CRIPT: variants seen among roughly 807,000 people sequenced by gnomAD.
The protein encoded by CRIPT is cysteine-rich PDZ-binding protein.
Under a neutral mutation model 16.6 loss-of-function variants are expected in CRIPT, and 20 were observed. The observed-to-expected ratio is 1.20, with a 90% CI of 0.85 to 1.75. CRIPT has a LOEUF of 1.75. CRIPT is among the 40% of genes most tolerant of loss of function. CRIPT has a pLI of 0.00. For synonymous variants in CRIPT, 42 were observed against 37.0 expected, an observed-to-expected ratio of 1.14 and a Z score of -0.49; for missense variants, 133 against 115.3, an observed-to-expected ratio of 1.15 and a Z score of -0.70.
At position 46,629,674 on chromosome 2, in the gene CRIPT, G is replaced by A. The variant is rs1201198365; in HGVS notation, c.*5447G>A. ...TGAAATGCTGTAAGTGATATGTATTGCAGGTATACATCCAGATGCACAGAA... is the reference window on the plus strand; with the variant it reads ...TGAAATGCTGTAAGTGATATGTATTACAGGTATACATCCAGATGCACAGAA... On this transcript the variant is annotated 3_prime_UTR_variant, in exon 5 of 5. Coordinates refer to ENST00000238892, the MANE Select transcript of CRIPT (RefSeq NM_014171.6). Among the ~76,000 whole-genome samples the A allele has an allele frequency of 6.6e-6, 1 of 152,190 alleles. No individual in the cohort carries two copies. The highest frequency in any genetic ancestry group is 1.5e-5 in the Non-Finnish European group (1 of 68,038).
Position 46,624,328 on chromosome 2 carries a change from T to C in CRIPT, c.*101T>C. ...TACAGAATAACATGTTTTAAGATAA[T>C]TAAGTTTAAACCAGAGAATTTGATT... On this transcript the variant is annotated 3_prime_UTR_variant, in exon 5 of 5. Transcript: ENST00000238892. 1.4e-6 allele frequency: 1 copy of C among 716,636 alleles called. No homozygotes were observed. Among genetic ancestry groups the C allele is most frequent in the Non-Finnish European group, 2.1e-6 (1 of 471,392 alleles). The allele number at this position is 716,636 out of a possible 1,614,324, so 44.4% of individuals were successfully genotyped here. A position where few individuals can be genotyped will look rare whatever the true frequency, so the allele number is the denominator to read the frequency against.
chr2:46,622,979 AAATCAGAG>A (rs1302047707), intron 3 of CRIPT, among the ~76,000 whole-genome samples: 1 of 152,056 alleles, frequency 6.6e-6, no homozygotes, highest in East Asian at 1.9e-4. Context: ...AAGCACATTT[AAATCAGAG>A]TATTATTGCC....
chr2:46,618,988 A>G (rs917778288), intron 2 of CRIPT, 150 bp downstream of exon 2: 5 of 522,996 alleles, frequency 9.6e-6, no homozygotes, highest in African/African-American at 4.0e-5. Flanking sequence ...AAGTGATTTA[A>G]TATCTTCTAT....
chr2:46,621,246 A>G (rs139531851), intron 3 of CRIPT, among the ~76,000 whole-genome samples: 5 of 152,276 alleles, frequency 3.3e-5, no homozygotes, highest in African/African-American at 1.2e-4. Flanking sequence ...CCTCCTTAAT[A>G]TGACCCCTCC....
intron 3 of CRIPT, among the ~76,000 whole-genome samples, chr2:46,623,511 C>T (rs1029143933): frequency 6.6e-6 from 1 of 152,144 alleles, no homozygotes; most frequent in African/African-American, 2.4e-5. Context: ...ACAGATACGA[C>T]TGATATGAAC....
In CRIPT at chr2:46,629,528, C is replaced by G. The variant is rs115761971; in HGVS notation, c.*5301C>G. Reference sequence around the variant, plus strand: ...AATCTGGAGCAGTTCCTCAGCTTTTCTTTGTTTTTTATAATAGTAATATAT... The same window carrying G: ...AATCTGGAGCAGTTCCTCAGCTTTTGTTTGTTTTTTATAATAGTAATATAT... On this transcript the variant is annotated 3_prime_UTR_variant, in exon 5 of 5. Transcript: ENST00000238892. Among the ~76,000 whole-genome samples, 3 of 152,058 alleles carry G rather than the reference C, an allele frequency of 2.0e-5. No homozygotes were observed. Among genetic ancestry groups the G allele is most frequent in the Non-Finnish European group, 2.9e-5 (2 of 68,014 alleles).
In CRIPT at chr2:46,624,432, G is replaced by C. The variant is rs1289707864; in HGVS notation, c.*205G>C. The stretch of plus-strand genomic sequence containing the variant: ...TTGTAAATGGTTATTTTCCTTATAA[G>C]AATTTTAAGAACTAAGTGGCAAATT... On this transcript the variant is annotated 3_prime_UTR_variant, in exon 5 of 5. Transcript: ENST00000238892. 7 of 356,366 alleles carry C rather than the reference G, an allele frequency of 2.0e-5. No homozygotes were observed. The highest frequency in any genetic ancestry group is 4.2e-5 in the East Asian group (1 of 23,976). The allele number at this position is 356,366 out of a possible 1,614,324, so 22.1% of individuals were successfully genotyped here. A position where few individuals can be genotyped will look rare whatever the true frequency, so the allele number is the denominator to read the frequency against.
Position 46,629,422 on chromosome 2 carries a change from T to A in CRIPT, c.*5195T>A, listed in dbSNP as rs1419570765. On this transcript the variant is annotated 3_prime_UTR_variant, in exon 5 of 5. Transcript: ENST00000238892. ...TAATACTTTACAGTCCATATTTCAA[T>A]TTCATTTGCTGTTTTATTGGTAATT... Among the ~76,000 whole-genome samples the A allele has an allele frequency of 6.6e-6, 1 of 152,224 alleles. No homozygotes were observed. The highest frequency in any genetic ancestry group is 1.5e-5 in the Non-Finnish European group (1 of 68,036).
At chr2:46,622,094 G>T (rs550970127) in intron 3 of CRIPT, among the ~76,000 whole-genome samples, 2 of 152,304 alleles carry the variant, frequency 1.3e-5, no homozygotes, top group East Asian at 3.9e-4. Flanking sequence ...GTTAGGCCGG[G>T]TGCGGTGGCT....
rs1670970543 is a variant in CRIPT, at chr2:46,627,590, A to C, written c.*3363A>C. The stretch of plus-strand genomic sequence containing the variant: ...TCCCAACCTAACTGGGATTACAGGC[A>C]CATGCCACCACGCCTGGCTAATTTT... On this transcript the variant is annotated 3_prime_UTR_variant, in exon 5 of 5. Coordinates refer to ENST00000238892, the MANE Select transcript of CRIPT (RefSeq NM_014171.6). Among the ~76,000 whole-genome samples, 2 of 151,846 alleles carry C rather than the reference A, an allele frequency of 1.3e-5. No individual in the cohort carries two copies. Among genetic ancestry groups the C allele is most frequent in the African/African-American group, 4.8e-5 (2 of 41,308 alleles).
rs1449839512 is a variant in CRIPT at position 46,628,247 on chromosome 2, AT to A, written c.*4022del. On this transcript the variant is annotated 3_prime_UTR_variant, in exon 5 of 5. Transcript: ENST00000238892. ...TGCCTCAGCCTCCCAAATAGCTGGG[AT>A]TACAGGAGCCCGCCAACCATGCCCA... 6.6e-6 allele frequency among the ~76,000 whole-genome samples: 1 copy of A among 151,692 alleles called. No individual in the cohort carries two copies. The highest frequency in any genetic ancestry group is 2.4e-5 in the African/African-American group (1 of 41,274).
Position 46,623,886 on chromosome 2 carries a change from C to T in CRIPT, c.241+19C>T, listed in dbSNP as rs10194490. On this transcript the variant is annotated intron_variant, in intron 4 of 4. Coordinates refer to ENST00000238892, the MANE Select transcript of CRIPT (RefSeq NM_014171.6). ...AAAAAAGGTAAGTTTCTTTTAATACCGTTTTCTATTCATAAAACCGACTTC... is the reference window on the plus strand; with the variant it reads ...AAAAAAGGTAAGTTTCTTTTAATACTGTTTTCTATTCATAAAACCGACTTC... 2.8e-3 allele frequency: 4,171 copies of T among 1,516,078 alleles called. 107 individuals carry two copies. The African/African-American group carries it at 0.053, about 19-fold the overall frequency. 93.9% of individuals were successfully genotyped at this position (1,516,078 alleles called of 1,614,324 possible).
At chr2:46,621,694 GC>G (rs1670807695) in intron 3 of CRIPT, among the ~76,000 whole-genome samples, 1 of 152,136 alleles carries the variant, frequency 6.6e-6, no homozygotes, top group African/African-American at 2.4e-5. Context: ...GTATATATTT[GC>G]TGAATGAATA....
rs1405874722 is a variant in CRIPT, at chr2:46,626,116, C to A, written c.*1889C>A. 6.6e-6 allele frequency among the ~76,000 whole-genome samples: 1 copy of A among 152,046 alleles called. No individual in the cohort carries two copies. The highest frequency in any genetic ancestry group is 1.9e-4 in the East Asian group (1 of 5,194). On this transcript the variant is annotated 3_prime_UTR_variant, in exon 5 of 5. Coordinates refer to ENST00000238892, the MANE Select transcript of CRIPT (RefSeq NM_014171.6). The stretch of plus-strand genomic sequence containing the variant: ...CCTCCCCTCTTCCCTCCAGTAGTCC[C>A]CTATGTCTGTTCTCATTTTTATGTC...
At chr2:46,622,091 C>T (rs753133319) in intron 3 of CRIPT, among the ~76,000 whole-genome samples, 7 of 152,114 alleles carry the variant, frequency 4.6e-5, no homozygotes, top group Non-Finnish European at 7.4e-5. Flanking sequence ...AAGGTTAGGC[C>T]GGGTGCGGTG....
chr2:46,620,971 T>C (rs773405876), intron 3 of CRIPT, among the ~76,000 whole-genome samples: 18 of 152,080 alleles, frequency 1.2e-4, no homozygotes, highest in Non-Finnish European at 2.4e-4. Flanking sequence ...AGCAAGTTCT[T>C]TGGATCTACC....
Position 46,630,055 on chromosome 2 carries a change from C to G in CRIPT, c.*5828C>G, listed in dbSNP as rs1452352942. On this transcript the variant is annotated 3_prime_UTR_variant, in exon 5 of 5. Coordinates refer to ENST00000238892, the MANE Select transcript of CRIPT (RefSeq NM_014171.6). ...TTCTGAGCCATTTGAATATTCCTTA[C>G]TAGATGTGGTGCCTCTTTACCCCAA... is the stretch of plus-strand genomic sequence containing the variant. Among the ~76,000 whole-genome samples the G allele has an allele frequency of 6.6e-6, 1 of 152,094 alleles. No individual in the cohort carries two copies. Among genetic ancestry groups the G allele is most frequent in the Non-Finnish European group, 1.5e-5 (1 of 68,028 alleles).
At chr2:46,619,595 A>G (rs1451853909) in intron 2 of CRIPT, 32 bp from the exon 3 acceptor site, 2 of 1,477,694 alleles carry the variant, frequency 1.4e-6, no homozygotes, top group Admixed American at 3.5e-5. Flanking sequence ...GTATAGAAAT[A>G]ACCCACTAAA....
chr2:46,630,092 T>C lies in CRIPT; in HGVS notation c.*5865T>C, dbSNP rs1228499906. On this transcript the variant is annotated 3_prime_UTR_variant, in exon 5 of 5. Transcript: ENST00000238892. ...CCTCTTTACCCCAATTACTTAAGTTTGTATTTCCAAAGAACAAGGGTGTTT... is the reference window on the plus strand; with the variant it reads ...CCTCTTTACCCCAATTACTTAAGTTCGTATTTCCAAAGAACAAGGGTGTTT... 6.6e-6 allele frequency among the ~76,000 whole-genome samples: 1 copy of C among 152,192 alleles called. No individual in the cohort carries two copies. The highest frequency in any genetic ancestry group is 1.9e-4 in the East Asian group (1 of 5,208).
Sources: allele counts gnomAD v4.1 joint callset (sites outside exome capture counted in the v4.1 genomes callset), GRCh38; gene constraint gnomAD v4.1.1; transcripts MANE v1.5; gene names NCBI Gene and HGNC (gene_info 2026-07-23, HGNC 2026-07-21).